Variants in TENM2 observed in about 807,000 individuals in gnomAD.
The protein encoded by TENM2 is teneurin-2.
In TENM2, 52 loss-of-function variants were observed where a neutral mutation model predicts 245.2. The ratio of observed to expected loss-of-function variants is 0.21; its 90% CI spans 0.17 to 0.27. TENM2 has a LOEUF of 0.27. Ranked by LOEUF, TENM2 falls within the 10% of genes least tolerant of loss-of-function variation. The probability of loss-of-function intolerance (pLI) is 1.00; values close to 1 mark genes in which losing one functional copy is unlikely to be tolerated. For missense variants in TENM2, 3,046 were observed against 3,666.8 expected (o/e 0.83, Z 4.37); for synonymous variants, 1,363 against 1,438.9 (o/e 0.95, Z 1.19).
At chr5:168,036,723 GTATATATATACGTATGTGTA>G (rs1418927207) in intron 5 of TENM2, among the ~76,000 whole-genome samples, 12 of 139,092 alleles carry the variant, frequency 8.6e-5, no homozygotes, top group Admixed American at 6.6e-4. Context: ...ATATGTATGT[GTATATATATACGTATGTGTA>G]TATATATATG....
chr5:168,093,651 A>G (rs1437959295), intron 8 of TENM2, among the ~76,000 whole-genome samples: 1 of 152,216 alleles, frequency 6.6e-6, no homozygotes, highest in African/African-American at 2.4e-5. Context: ...TCTTCTCGAG[A>G]CAACAGAGCA....
chr5:167,393,338 G>A (rs1261839786), intron 2 of TENM2, among the ~76,000 whole-genome samples: 2 of 152,090 alleles, frequency 1.3e-5, no homozygotes, highest in African/African-American at 4.8e-5. Context: ...GAGTTTTGCA[G>A]TAGTAAACGG....
chr5:167,356,369 G>T (rs533176806), intron 1 of TENM2, among the ~76,000 whole-genome samples: 11 of 152,130 alleles, frequency 7.2e-5, no homozygotes, highest in Admixed American at 6.5e-4. Context: ...ACTTCCCATG[G>T]AGGATGTTGC....
At chr5:167,911,924 A>G (rs1776589445) in intron 3 of TENM2, among the ~76,000 whole-genome samples, 2 of 152,212 alleles carry the variant, frequency 1.3e-5, no homozygotes, top group Admixed American at 6.5e-5. Flanking sequence ...TGTTATATGT[A>G]TGTAATGGAT....
chr5:167,872,445 C>T (rs759502917), intron 2 of TENM2, among the ~76,000 whole-genome samples: 37 of 115,470 alleles, frequency 3.2e-4, no homozygotes, highest in Non-Finnish European at 4.0e-4. Context: ...CAAACAAGCA[C>T]GAAAGAAAGA....
At chr5:168,066,035 C>G (rs1790474330) in intron 7 of TENM2, among the ~76,000 whole-genome samples, 1 of 152,074 alleles carries the variant, frequency 6.6e-6, no homozygotes, top group South Asian at 2.1e-4. Context: ...TGCTAAACAC[C>G]CTGCAGTGCA....
intron 2 of TENM2, among the ~76,000 whole-genome samples, chr5:167,519,194 G>C (rs1267057473): frequency 6.6e-6 from 1 of 152,050 alleles, no homozygotes; most frequent in East Asian, 1.9e-4. Context: ...GTCTCATGGA[G>C]TCATATGCTT....
At chr5:167,729,857 T>A (rs1423966585) in intron 2 of TENM2, among the ~76,000 whole-genome samples, 1 of 152,232 alleles carries the variant, frequency 6.6e-6, no homozygotes, top group Non-Finnish European at 1.5e-5. Flanking sequence ...ACATGCAACC[T>A]CTGCCACCAG....
At chr5:167,664,459 C>T (rs56107821) in intron 2 of TENM2, among the ~76,000 whole-genome samples, 5,097 of 152,204 alleles carry the variant, frequency 0.033, 285 homozygotes, top group African/African-American at 0.12. Context: ...GTTCAACTTG[C>T]TGGGAGTCAC....
intron 14 of TENM2, among the ~76,000 whole-genome samples, chr5:168,193,709 A>T (rs998225650): frequency 6.6e-6 from 1 of 152,238 alleles, no homozygotes; most frequent in Non-Finnish European, 1.5e-5. Context: ...TTGTTTTCTC[A>T]TCACGAGCAC....
chr5:168,038,652 T>A (rs1432769210), intron 5 of TENM2, among the ~76,000 whole-genome samples: 1 of 152,232 alleles, frequency 6.6e-6, no homozygotes, highest in East Asian at 1.9e-4. Flanking sequence ...GAGGTAAATC[T>A]GTTTGCCCAA....
chr5:167,071,534 T>C, the TENM2 span, among the ~76,000 whole-genome samples: 3 of 152,148 alleles, frequency 2.0e-5, no homozygotes, highest in African/African-American at 2.4e-5. Context: ...TCTAGTCTTG[T>C]CAATTTGTCT....
At chr5:168,016,763 C>T (rs543883323) in intron 5 of TENM2, among the ~76,000 whole-genome samples, 2 of 152,324 alleles carry the variant, frequency 1.3e-5, no homozygotes, top group South Asian at 4.1e-4. Flanking sequence ...CCCCACTCTT[C>T]CACTTACTGA....
intron 2 of TENM2, among the ~76,000 whole-genome samples, chr5:167,767,705 C>A (rs1290818451): frequency 3.9e-5 from 6 of 152,186 alleles, no homozygotes. Context: ...GGCAGAGAAT[C>A]TCAGGATTTA....
chr5:167,859,048 C>T (rs1268101035), intron 2 of TENM2, among the ~76,000 whole-genome samples: 1 of 150,464 alleles, frequency 6.6e-6, no homozygotes, highest in Non-Finnish European at 1.5e-5. Flanking sequence ...CGGCCGCCAT[C>T]ACATCTAGGA....
At chr5:167,702,552 G>GTGTGTGTGTATA (rs58351767) in intron 2 of TENM2, among the ~76,000 whole-genome samples, 65 of 136,768 alleles carry the variant, frequency 4.8e-4, no homozygotes, top group African/African-American at 1.8e-3. Context: ...GTGTGTGTGT[G>GTGTGTGTGTATA]TATATATATA....
chr5:167,510,950 TAAAA>T (rs34949241), intron 2 of TENM2, among the ~76,000 whole-genome samples: 57,295 of 151,320 alleles, frequency 0.38, 13,311 homozygotes, highest in Non-Finnish European at 0.53. Flanking sequence ...AAAAAAAAAA[TAAAA>T]GAAAGAGAGA....
intron 10 of TENM2, among the ~76,000 whole-genome samples, chr5:168,123,146 A>AG (rs148543622): frequency 0.3 from 45,431 of 151,330 alleles, 7,203 homozygotes; most frequent in East Asian, 0.62. Flanking sequence ...AAAAAAAAAA[A>AG]AACATAGCTG....
chr5:167,178,150 C>G, the TENM2 span, among the ~76,000 whole-genome samples: 1 of 152,198 alleles, frequency 6.6e-6, no homozygotes, highest in Non-Finnish European at 1.5e-5. Context: ...AAACTCATTA[C>G]ATTGCAGTAT....
Sources: allele counts gnomAD v4.1 joint callset (sites outside exome capture counted in the v4.1 genomes callset), GRCh38; gene constraint gnomAD v4.1.1; transcripts MANE v1.5; gene names NCBI Gene and HGNC (gene_info 2026-07-23, HGNC 2026-07-21).